INO80: variants seen among roughly 807,000 people sequenced by gnomAD.
The protein encoded by INO80 is INO80 complex ATPase subunit, also known as chromatin-remodeling ATPase INO80.
Under a neutral mutation model 203.4 loss-of-function variants are expected in INO80, and 20 were observed. The ratio of observed to expected loss-of-function variants is 0.10; its 90% confidence interval spans 0.07 to 0.14. The LOEUF (loss-of-function observed/expected upper bound fraction) is 0.14. Among genes scored for constraint, INO80 ranks in the 10% least tolerant of loss-of-function variants. The pLI is 1.00. For synonymous variants in INO80, 726 were observed against 685.2 expected (o/e 1.06, Z -0.93); for missense variants, 1,419 against 1,914.4 (o/e 0.74, Z 4.83).
chr15:40,988,178 AT>A (rs539995840), intron 29 of INO80, among the ~76,000 whole-genome samples: 62 of 152,206 alleles, frequency 4.1e-4, no homozygotes, highest in African/African-American at 1.4e-3. Flanking sequence ...CTCCTGTTTT[AT>A]TTTTTTCAGT....
intron 5 of INO80, among the ~76,000 whole-genome samples, chr15:41,091,057 T>C (rs1425054410): frequency 1.3e-5 from 2 of 151,882 alleles, no homozygotes; most frequent in African/African-American, 4.8e-5. Context: ...CCTGAGTACC[T>C]GGGATTACAG....
chr15:41,061,762 A>C (rs2045114428), intron 14 of INO80, among the ~76,000 whole-genome samples: 1 of 152,234 alleles, frequency 6.6e-6, no homozygotes, highest in African/African-American at 2.4e-5. Flanking sequence ...AATTTTTAGA[A>C]CTGAAAAATA....
At chr15:41,103,797 T>G (rs2045841654) in intron 1 of INO80, among the ~76,000 whole-genome samples, 1 of 152,212 alleles carries the variant, frequency 6.6e-6, no homozygotes, top group Non-Finnish European at 1.5e-5. Flanking sequence ...CATCTGGTTT[T>G]GAGTTACTTT....
chr15:41,057,932 T>A (rs2045024353), intron 16 of INO80, among the ~76,000 whole-genome samples: 2 of 150,606 alleles, frequency 1.3e-5, no homozygotes, highest in African/African-American at 4.9e-5. Context: ...ATAAAAAAAA[T>A]ATCAAGCCTG....
At chr15:41,044,874 T>G (rs1199635885) in intron 24 of INO80, 30 bp downstream of exon 24, 3 of 1,564,590 alleles carry the variant, frequency 1.9e-6, no homozygotes, top group East Asian at 2.2e-5. Flanking sequence ...AGATACTAAG[T>G]AGGTAATTTA....
rs949772211 is a variant in INO80, at chr15:41,053,305, CTG to C, written c.2274+622_2274+623del. Among the ~76,000 whole-genome samples, 35 of 152,198 alleles carry C rather than the reference CTG, an allele frequency of 2.3e-4. 1 individual carries two copies. Among genetic ancestry groups the C allele is most frequent in the African/African-American group, 7.9e-4 (33 of 41,528 alleles). ...TATTTTTAGTAGAGACGGGGTTTCA[CTG>C]TGTTAGCCAGGATGGTCTCGATTTC... On this transcript the variant is annotated intron_variant, in intron 19 of 35. Transcript: ENST00000648947.
chr15:41,063,046 T>C (rs1416091839), intron 14 of INO80, among the ~76,000 whole-genome samples: 1 of 152,060 alleles, frequency 6.6e-6, no homozygotes, highest in African/African-American at 2.4e-5. Context: ...AAAAAATGTT[T>C]TTAAAATAGG....
intron 17 of INO80, 102 bp downstream of exon 17, chr15:41,056,520 C>G: frequency 1.1e-6 from 1 of 873,810 alleles, no homozygotes; most frequent in Admixed American, 2.3e-5. Flanking sequence ...ATAATTTATA[C>G]AAAGCAGTAG....
intron 29 of INO80, among the ~76,000 whole-genome samples, chr15:40,990,301 G>A (rs1184655137): frequency 6.6e-6 from 1 of 152,156 alleles, no homozygotes; most frequent in Admixed American, 6.5e-5. Flanking sequence ...CTTCTATGGT[G>A]TCAATTATTT....
intron 29 of INO80, among the ~76,000 whole-genome samples, chr15:40,989,413 C>G (rs1363945058): frequency 6.6e-6 from 1 of 152,232 alleles, no homozygotes; most frequent in Non-Finnish European, 1.5e-5. Context: ...AGGCTACCAT[C>G]CAACATGGCG....
intron 7 of INO80, among the ~76,000 whole-genome samples, chr15:41,085,061 C>T (rs932341144): frequency 6.6e-6 from 1 of 152,130 alleles, no homozygotes; most frequent in Non-Finnish European, 1.5e-5. Context: ...TCTAATATCA[C>T]CTATAAATTG....
At chr15:41,022,433 A>G (rs749249257) in intron 25 of INO80, among the ~76,000 whole-genome samples, 5 of 152,148 alleles carry the variant, frequency 3.3e-5, no homozygotes, top group African/African-American at 7.2e-5. Flanking sequence ...AAGCGGACCA[A>G]AAGTGTAGAT....
chr15:41,092,806 C>T (rs939198150), intron 4 of INO80, among the ~76,000 whole-genome samples: 4 of 152,146 alleles, frequency 2.6e-5, no homozygotes, highest in African/African-American at 7.2e-5. Flanking sequence ...CCTGTAATCC[C>T]AACACTTTGG....
At position 41,031,615 on chromosome 15, in the gene INO80, A is replaced by AG. The variant is rs1566919251; in HGVS notation, c.2908-3880dup. 7.3e-4 allele frequency among the ~76,000 whole-genome samples: 2 copies of AG among 2,748 alleles called. 1 individual carries two copies. Among genetic ancestry groups the AG allele is most frequent in the African/African-American group, 2.1e-3 (2 of 966 alleles). 1.8% of individuals were successfully genotyped at this position (2,748 alleles called of 152,430 possible). ...GGAGGGAGGGAGGGAGGAAGGGAGG[A>AG]GGGAGGAAGGGAGGAAGGGAGGAAG... On this transcript the variant is annotated intron_variant, in intron 24 of 35. Transcript: ENST00000648947.
chr15:41,065,352 T>C (rs916808195), intron 14 of INO80, among the ~76,000 whole-genome samples: 5 of 151,078 alleles, frequency 3.3e-5, no homozygotes, highest in African/African-American at 9.7e-5. Context: ...GCAAAATTGC[T>C]TGAACCTGGG....
chr15:41,096,759 C>T lies in INO80; in HGVS notation c.-43-406G>A, dbSNP rs559826395. On this transcript the variant is annotated intron_variant, in intron 1 of 35. Transcript: ENST00000648947. Reference sequence around the variant, plus strand: ...GAAAGGAAAGTACTAGAGGAGCACTCGTTCTCAGCATCACCTTCAAAATAG... The same window carrying T: ...GAAAGGAAAGTACTAGAGGAGCACTTGTTCTCAGCATCACCTTCAAAATAG... Among the ~76,000 whole-genome samples the T allele has an allele frequency of 6.2e-4, 95 of 152,304 alleles. No homozygotes were observed. In the South Asian group the frequency reaches 0.012, roughly 19 times the overall value.
intron 14 of INO80, among the ~76,000 whole-genome samples, chr15:41,067,756 T>C (rs2045245913): frequency 6.6e-6 from 1 of 152,170 alleles, no homozygotes; most frequent in African/African-American, 2.4e-5. Context: ...CCCATCACTA[T>C]TACAGAGACC....
intron 8 of INO80, 40 bp downstream of exon 8, chr15:41,080,980 A>G (rs369935910): frequency 5.2e-6 from 7 of 1,355,684 alleles, no homozygotes; most frequent in African/African-American, 2.9e-5. Context: ...AATATATTCC[A>G]GCAAAACATG....
At chr15:41,032,874 C>A (rs945744110) in intron 24 of INO80, among the ~76,000 whole-genome samples, 3 of 152,022 alleles carry the variant, frequency 2.0e-5, no homozygotes, top group African/African-American at 4.8e-5. Context: ...CCCGTCTCTA[C>A]TACAAACACA....
Sources: gnomAD v4.1 joint callset for allele counts (sites outside exome capture counted in the v4.1 genomes callset) on GRCh38, gnomAD v4.1.1 for gene constraint, MANE v1.5 for transcripts, NCBI Gene and HGNC (gene_info 2026-07-23, HGNC 2026-07-21) for gene names.